Variants in ARHGEF26 observed in about 807,000 individuals in gnomAD.
ARHGEF26 encodes Rho guanine nucleotide exchange factor 26.
ARHGEF26 carries 59 observed loss-of-function variants against 89.4 expected under a neutral mutation model. The ratio of observed to expected loss-of-function variants is 0.66; its 90% CI spans 0.54 to 0.82. ARHGEF26 has a LOEUF of 0.82. Among genes scored for constraint, ARHGEF26 ranks in the 40% least tolerant of loss-of-function variants. The probability of loss-of-function intolerance (pLI) is 0.00; values close to 1 mark genes in which losing one functional copy is unlikely to be tolerated. For missense variants in ARHGEF26, 1,234 were observed against 1,085.6 expected (o/e 1.14, Z -1.92); for synonymous variants, 500 against 428.4 (o/e 1.17, Z -2.06).
chr3:154,125,355 A>G (rs1718266052), intron 3 of ARHGEF26, among the ~76,000 whole-genome samples: 1 of 152,334 alleles, frequency 6.6e-6, no homozygotes. Flanking sequence ...ATAAAAATTC[A>G]TTCACCGCAC....
At chr3:154,170,116 C>CT (rs1361376122) in intron 6 of ARHGEF26, among the ~76,000 whole-genome samples, 2 of 151,512 alleles carry the variant, frequency 1.3e-5, no homozygotes, top group African/African-American at 4.8e-5. Context: ...AATCTCAGCA[C>CT]TTTGCGAGGC....
chr3:154,255,567 C>CTATT lies in ARHGEF26; in HGVS notation c.*97_*100dup. 1 of 1,493,498 alleles carries CTATT rather than the reference C, an allele frequency of 6.7e-7. No homozygotes were observed. Among genetic ancestry groups the CTATT allele is most frequent in the Non-Finnish European group, 8.9e-7 (1 of 1,124,916 alleles). 92.5% of individuals were successfully genotyped at this position (1,493,498 alleles called of 1,614,324 possible). ...GTTTTATTGTTAATTTTGTCACAGC[C>CTATT]TATTTAATTAAAAGAACGAAAACAC... On this transcript the variant is annotated 3_prime_UTR_variant, in exon 15 of 15. Coordinates refer to ENST00000465093, the MANE Select transcript of ARHGEF26 (RefSeq NM_015595.4).
In ARHGEF26 at chr3:154,256,058, C is replaced by T; in HGVS notation, c.*585C>T. Reference sequence around the variant, plus strand: ...GGGACATTGACACTTGAATTTTTGTCACCTTTTTCCTCATTAGAAGGAAAG... The same window carrying T: ...GGGACATTGACACTTGAATTTTTGTTACCTTTTTCCTCATTAGAAGGAAAG... On this transcript the variant is annotated 3_prime_UTR_variant, in exon 15 of 15. Transcript: ENST00000465093. 41 of 985,518 alleles carry T rather than the reference C, an allele frequency of 4.2e-5. No individual in the cohort carries two copies. Among genetic ancestry groups the T allele is most frequent in the Non-Finnish European group, 4.9e-5 (41 of 829,746 alleles). The allele number at this position is 985,518 out of a possible 1,614,324, so 61.0% of individuals were successfully genotyped here.
At chr3:154,237,675 A>G (rs772040987) in intron 11 of ARHGEF26, among the ~76,000 whole-genome samples, 19 of 152,290 alleles carry the variant, frequency 1.2e-4, no homozygotes, top group Non-Finnish European at 1.9e-4. Context: ...TATGTTGACA[A>G]CATTTTCGAA....
At chr3:154,172,732 A>G (rs940813179) in intron 6 of ARHGEF26, among the ~76,000 whole-genome samples, 1 of 152,186 alleles carries the variant, frequency 6.6e-6, no homozygotes, top group African/African-American at 2.4e-5. Flanking sequence ...AGGAAGAGCC[A>G]GCCATATAGA....
intron 11 of ARHGEF26, among the ~76,000 whole-genome samples, chr3:154,234,964 G>A (rs111990123): frequency 0.015 from 2,301 of 152,054 alleles, 48 homozygotes; most frequent in African/African-American, 0.051. Flanking sequence ...GGGTTTCACC[G>A]TGTTATCCAG....
chr3:154,227,470 A>G (rs1251157325), intron 11 of ARHGEF26, among the ~76,000 whole-genome samples: 1 of 151,694 alleles, frequency 6.6e-6, no homozygotes, highest in Non-Finnish European at 1.5e-5. Flanking sequence ...TTTAGTGGAG[A>G]TGGGGTTTCA....
At chr3:154,213,216 A>AGAGTGTGTGTGT (rs1553747872) in intron 9 of ARHGEF26, among the ~76,000 whole-genome samples, 87 of 142,026 alleles carry the variant, frequency 6.1e-4, no homozygotes, top group African/African-American at 2.2e-3. Flanking sequence ...AGAGAGAGAG[A>AGAGTGTGTGTGT]GTGTGTGTGT....
At chr3:154,243,036 G>A (rs1301839958) in intron 12 of ARHGEF26, among the ~76,000 whole-genome samples, 1 of 152,144 alleles carries the variant, frequency 6.6e-6, no homozygotes, top group Non-Finnish European at 1.5e-5. Context: ...CAAGACCAGG[G>A]TCAAGGGGAG....
chr3:154,130,081 ATGTATGTATGTACC>A (rs1411937761), intron 4 of ARHGEF26, among the ~76,000 whole-genome samples: 1 of 151,028 alleles, frequency 6.6e-6, no homozygotes, highest in Non-Finnish European at 1.5e-5. Flanking sequence ...GTATATGTAC[ATGTATGTATGTACC>A]TGTATATGTA....
intron 11 of ARHGEF26, among the ~76,000 whole-genome samples, chr3:154,234,422 C>T (rs1479620755): frequency 1.3e-5 from 2 of 152,188 alleles, no homozygotes; most frequent in Non-Finnish European, 2.9e-5. Flanking sequence ...CGTTAAAGGT[C>T]TGTATCCAGC....
intron 12 of ARHGEF26, among the ~76,000 whole-genome samples, chr3:154,242,355 A>G (rs1048258906): frequency 9.9e-5 from 15 of 152,190 alleles, no homozygotes; most frequent in Non-Finnish European, 7.4e-5. Context: ...GAGTTGGGAA[A>G]AGTTGATTCC....
At chr3:154,198,761 A>C (rs1280252688) in intron 9 of ARHGEF26, among the ~76,000 whole-genome samples, 3 of 152,228 alleles carry the variant, frequency 2.0e-5, no homozygotes, top group Middle Eastern at 3.4e-3. Flanking sequence ...AAAAGAGTAC[A>C]CATTGGGCAC....
intron 9 of ARHGEF26, among the ~76,000 whole-genome samples, chr3:154,202,910 G>A (rs1481418718): frequency 6.6e-6 from 1 of 152,124 alleles, no homozygotes; most frequent in Non-Finnish European, 1.5e-5. Context: ...TGAGACGATG[G>A]AGTTTTCTAG....
chr3:154,197,031 T>TCA, intron 9 of ARHGEF26, among the ~76,000 whole-genome samples: 1 of 152,172 alleles, frequency 6.6e-6, no homozygotes, highest in Non-Finnish European at 1.5e-5. Context: ...AGGCATCTCT[T>TCA]GTTCACTTGA....
chr3:154,166,198 A>G (rs970034292), intron 6 of ARHGEF26, among the ~76,000 whole-genome samples: 2 of 152,000 alleles, frequency 1.3e-5, no homozygotes, highest in Admixed American at 1.3e-4. Flanking sequence ...CTACAGGCAC[A>G]TGCCACCATG....
chr3:154,130,147 ATTTTT>A (rs55816788), intron 4 of ARHGEF26, among the ~76,000 whole-genome samples: 1 of 105,970 alleles, frequency 9.4e-6, no homozygotes, highest in Admixed American at 1.3e-4. Context: ...TTCCTTGGAA[ATTTTT>A]TTTTTTTTTT....
intron 9 of ARHGEF26, among the ~76,000 whole-genome samples, chr3:154,204,333 C>CTTTTT (rs55822103): frequency 8.8e-6 from 1 of 113,348 alleles, no homozygotes. Context: ...TTTTCTTTTC[C>CTTTTT]TTTTTTTTTT....
rs553747791 is a variant in ARHGEF26 at position 154,175,187 on chromosome 3, G to A, written c.1488-12498G>A. Among the ~76,000 whole-genome samples, 6 of 152,240 alleles carry A rather than the reference G, an allele frequency of 3.9e-5. No individual in the cohort carries two copies. In the South Asian group the frequency reaches 6.2e-4, roughly 16 times the overall value. On this transcript the variant is annotated intron_variant, in intron 6 of 14. Coordinates refer to ENST00000465093, the MANE Select transcript of ARHGEF26 (RefSeq NM_015595.4). ...TCTTGTATTAAAGGTTCTATAAACCGTAATGGTTAGATCTTTGACCTCTGT... is the reference window on the plus strand; with the variant it reads ...TCTTGTATTAAAGGTTCTATAAACCATAATGGTTAGATCTTTGACCTCTGT...
Sources: gnomAD v4.1 joint callset for allele counts (sites outside exome capture counted in the v4.1 genomes callset) on GRCh38, gnomAD v4.1.1 for gene constraint, MANE v1.5 for transcripts, NCBI Gene and HGNC (gene_info 2026-07-23, HGNC 2026-07-21) for gene names.